Variants in ANKRD18B observed in about 807,000 individuals in gnomAD.
The protein encoded by ANKRD18B is ankyrin repeat domain 18B.
A neutral mutation model predicts 111.8 loss-of-function variants in ANKRD18B; 75 were observed. The observed-to-expected ratio is 0.67, with a 90% CI of 0.56 to 0.81. The LOEUF is 0.81. ANKRD18B is among the 40% of genes least tolerant of loss of function. The pLI is 0.00. For missense variants in ANKRD18B, 1,038 were observed against 1,225.5 expected (o/e 0.85, Z 2.28); for synonymous variants, 356 against 417.3 (o/e 0.85, Z 1.79).
downstream of ANKRD18B, among the ~76,000 whole-genome samples, chr9:33,575,118 A>G (rs895527652): frequency 6.6e-6 from 1 of 152,098 alleles, no homozygotes; most frequent in African/African-American, 2.4e-5. Flanking sequence ...ATACCTGAGC[A>G]CTCACCGGGT....
In ANKRD18B at chr9:33,535,414, T is replaced by C. The variant is rs532508409; in HGVS notation, c.740+907T>C. On this transcript the variant is annotated intron_variant, in intron 5 of 18. Transcript: ENST00000684830. ...TATTCTCCTGCCTCAGCCTCCCGAG[T>C]AACTGGGACTACAGGCACCCGCCAC... 4.9e-3 allele frequency among the ~76,000 whole-genome samples: 739 copies of C among 152,084 alleles called. 19 individuals carry two copies. The highest frequency in any genetic ancestry group is 5.9e-3 in the Non-Finnish European group (403 of 67,978).
Position 33,529,029 on chromosome 9 carries a change from C to A in ANKRD18B, c.351C>A (p.Ala117=). The A allele has an allele frequency of 6.2e-7, 1 of 1,612,404 alleles. No homozygotes were observed. The highest frequency in any genetic ancestry group is 8.5e-7 in the Non-Finnish European group (1 of 1,179,864). The change falls in exon 3 of 19, where the codon GCC becomes GCA. Residue 117 remains alanine (A), a synonymous_variant. Transcript: ENST00000684830. ...TACACTGCCAGGAAGAGGCTTGTGC[C>A]ATTATTCTCCTGAAACGTGGCGCCA... is the stretch of plus-strand genomic sequence containing the variant. The part of the protein sequence containing the change: ...KAVHCQEEAC[A]IILLKRGANP...
chr9:33,533,395 A>G (rs1828144624), intron 3 of ANKRD18B, 44 bp from the exon 4 acceptor site: 4 of 1,501,452 alleles, frequency 2.7e-6, no homozygotes, highest in Admixed American at 2.7e-5. Context: ...CAGTGGAGAA[A>G]TATGTAATTT....
In ANKRD18B at chr9:33,566,360, A is replaced by T; in HGVS notation, c.2602A>T (p.Met868Leu). Reference protein sequence around the residue: ...KCEKLEKDKKMLEEKVLNLKT... With the variant: ...KCEKLEKDKKLLEEKVLNLKT... ...TGAAAAACTTGAGAAGGATAAAAAGATGTTGGAAGAAAAAGTATTAAATCT... is the reference window on the plus strand; with the variant it reads ...TGAAAAACTTGAGAAGGATAAAAAGTTGTTGGAAGAAAAAGTATTAAATCT... Residue 868 changes from methionine (M) to leucine (L), a missense_variant, in exon 15 of 19, where the codon ATG (methionine) becomes TTG (leucine). By Grantham distance (15) the Met-to-Leu change is conservative. Around this residue, in one of 4 missense-constraint regions of ANKRD18B, gnomAD observed 524 missense variants for 677.9 expected, o/e 0.77. Transcript: ENST00000684830. 1 of 1,576,232 alleles carries T rather than the reference A, an allele frequency of 6.3e-7. No individual in the cohort carries two copies. The highest frequency in any genetic ancestry group is 8.6e-7 in the Non-Finnish European group (1 of 1,157,280).
chr9:33,569,036 A>G (rs1828729807), intron 17 of ANKRD18B, 143 bp downstream of exon 17: 1 of 750,924 alleles, frequency 1.3e-6, no homozygotes, highest in African/African-American at 1.8e-5. Context: ...CAGAAAGGAA[A>G]TGGAAACTTT....
chr9:33,531,483 T>A (rs3903899), intron 3 of ANKRD18B, among the ~76,000 whole-genome samples: 83,832 of 149,328 alleles, frequency 0.56, 24,551 homozygotes, highest in Non-Finnish European at 0.66. Context: ...CATGCAGAAG[T>A]CTGGACCTCA....
intron 14 of ANKRD18B, among the ~76,000 whole-genome samples, chr9:33,559,303 C>G (rs1196286323): frequency 2.6e-5 from 4 of 152,104 alleles, no homozygotes; most frequent in Non-Finnish European, 1.5e-5. Context: ...GCAAATTCCC[C>G]CACAGATGGC....
At chr9:33,535,818 T>A (rs1393875031) in intron 5 of ANKRD18B, among the ~76,000 whole-genome samples, 2 of 145,298 alleles carry the variant, frequency 1.4e-5, no homozygotes, top group Non-Finnish European at 3.0e-5. Flanking sequence ...ATAATCTATA[T>A]ATTATATATA....
chr9:33,572,086 A>T (rs1184964093), intron 18 of ANKRD18B: 4 of 522,484 alleles, frequency 7.7e-6, no homozygotes, highest in Non-Finnish European at 1.4e-5. Flanking sequence ...GTACCTTAGC[A>T]CGTGGCTGTT....
Position 33,572,600 on chromosome 9 carries a change from G to C in ANKRD18B, c.*166G>C, listed in dbSNP as rs966033245. The stretch of plus-strand genomic sequence containing the variant: ...TTTTAGCCTCCTTAAGTTTTAAGTG[G>C]ATCTTGCAAATGAACACCAGTGTTA... On this transcript the variant is annotated 3_prime_UTR_variant, in exon 19 of 19. Coordinates refer to ENST00000684830, the MANE Select transcript of ANKRD18B (RefSeq NM_001393611.1). The C allele has an allele frequency of 3.5e-5, 44 of 1,249,554 alleles. No homozygotes were observed. The Middle Eastern group carries it at 9.5e-4, about 27-fold the overall frequency. 77.4% of individuals were successfully genotyped at this position (1,249,554 alleles called of 1,614,324 possible).
intron 10 of ANKRD18B, among the ~76,000 whole-genome samples, chr9:33,547,105 G>A (rs1828368094): frequency 6.6e-6 from 1 of 152,140 alleles, no homozygotes; most frequent in Non-Finnish European, 1.5e-5. Flanking sequence ...AGCCCCACAA[G>A]GTCACATCCT....
Position 33,572,442 on chromosome 9 carries a change from T to C in ANKRD18B, c.*8T>C, listed in dbSNP as rs1828795195. On this transcript the variant is annotated 3_prime_UTR_variant, in exon 19 of 19. Transcript: ENST00000684830. Reference sequence around the variant, plus strand: ...AAAAGTTGTATGATTTAAAAGATCATAAAACTTTATTACTGGGCTATTTAC... The same window carrying C: ...AAAAGTTGTATGATTTAAAAGATCACAAAACTTTATTACTGGGCTATTTAC... The C allele has an allele frequency of 6.6e-7, 1 of 1,526,048 alleles. No individual in the cohort carries two copies. Among genetic ancestry groups the C allele is most frequent in the African/African-American group, 1.4e-5 (1 of 71,664 alleles). 94.5% of individuals were successfully genotyped at this position (1,526,048 alleles called of 1,614,324 possible).
At chr9:33,550,359 C>CT in intron 11 of ANKRD18B, 71 bp from the exon 12 acceptor site, 1 of 1,412,598 alleles carries the variant, frequency 7.1e-7, no homozygotes, top group South Asian at 1.6e-5. Context: ...AGTATGTATG[C>CT]TAGAGTTAAA....
intron 13 of ANKRD18B, 83 bp downstream of exon 13, chr9:33,555,903 A>C (rs1828519117): frequency 2.2e-6 from 2 of 917,384 alleles, no homozygotes; most frequent in East Asian, 6.6e-5. Context: ...CTTTGATACA[A>C]ATTCATTTTA....
At chr9:33,540,507 T>G (rs1828263701) in intron 8 of ANKRD18B, among the ~76,000 whole-genome samples, 2 of 152,190 alleles carry the variant, frequency 1.3e-5, no homozygotes, top group Admixed American at 1.3e-4. Context: ...AGATTTGTGA[T>G]TCTCCAGCAA....
At position 33,555,518 on chromosome 9, in the gene ANKRD18B, G is replaced by T. The variant is rs181882793; in HGVS notation, c.2218-190G>T. ...TTTCAGAAAAGGTAATGATGAAAGTGTGAATCTTTTTTAGCTGTTTTAAGA... is the reference window on the plus strand; with the variant it reads ...TTTCAGAAAAGGTAATGATGAAAGTTTGAATCTTTTTTAGCTGTTTTAAGA... On this transcript the variant is annotated intron_variant, in intron 12 of 18. Transcript: ENST00000684830. Among the ~76,000 whole-genome samples, 449 of 152,292 alleles carry T rather than the reference G, an allele frequency of 2.9e-3. 1 individual carries two copies. The highest frequency in any genetic ancestry group is 0.01 in the African/African-American group (417 of 41,570).
rs192132733 is a variant in ANKRD18B at position 33,569,303 on chromosome 9, T to G, written c.3177+410T>G. Among the ~76,000 whole-genome samples the G allele has an allele frequency of 9.1e-4, 136 of 148,792 alleles. 1 individual carries two copies. The highest frequency in any genetic ancestry group is 3.3e-3 in the African/African-American group (135 of 40,428). On this transcript the variant is annotated intron_variant, in intron 17 of 18. Transcript: ENST00000684830. Reference sequence around the variant, plus strand: ...TTTTTGAGATGGAGTCTCACTCTGTTGCCTAGGCTAGAGTGCAGTGGCATG... The same window carrying G: ...TTTTTGAGATGGAGTCTCACTCTGTGGCCTAGGCTAGAGTGCAGTGGCATG...
At chr9:33,541,058 A>C (rs7035916) in intron 8 of ANKRD18B, 89 bp from the exon 9 acceptor site, 136,141 of 1,471,908 alleles carry the variant, frequency 0.092, 5,884 homozygotes, top group South Asian at 0.1. Flanking sequence ...TAGGGTAAGC[A>C]TGCAGAGTAA....
chr9:33,545,480 A>G (rs980596993), intron 10 of ANKRD18B, among the ~76,000 whole-genome samples: 7 of 152,242 alleles, frequency 4.6e-5, no homozygotes, highest in South Asian at 2.1e-4. Context: ...GCTATTGCAG[A>G]CATTTACAAA....
Sources: gnomAD v4.1 joint callset for allele counts (sites outside exome capture counted in the v4.1 genomes callset) on GRCh38, gnomAD v4.1.1 for gene constraint, gnomAD v4.1.1 regional missense constraint, MANE v1.5 for transcripts, NCBI Gene and HGNC (gene_info 2026-07-23, HGNC 2026-07-21) for gene names.